Variants in TANC1 observed in about 807,000 individuals in gnomAD.
TANC1 encodes protein TANC1.
Under a neutral mutation model 149.7 loss-of-function variants are expected in TANC1, and 77 were observed. That is an observed-to-expected ratio of 0.51 (90% CI 0.43 to 0.62). The LOEUF is 0.62. Among genes scored for constraint, TANC1 ranks in the 20% least tolerant of loss-of-function variants. TANC1 has a pLI of 0.00. For synonymous variants in TANC1, 854 were observed against 925.0 expected (o/e 0.92, Z 1.39); for missense variants, 1,985 against 2,321.8 (o/e 0.85, Z 2.98).
At chr2:159,223,818 G>A (rs2059850888) in intron 22 of TANC1, among the ~76,000 whole-genome samples, 1 of 152,186 alleles carries the variant, frequency 6.6e-6, no homozygotes, top group East Asian at 1.9e-4. Flanking sequence ...AGGTTGTGTG[G>A]GTCTGAGTAT....
chr2:158,977,877 T>A (rs1475440274), intron 1 of TANC1, among the ~76,000 whole-genome samples: 6 of 152,140 alleles, frequency 3.9e-5, no homozygotes. Context: ...TCCCTGATAC[T>A]TTGTTTCAAT....
At chr2:159,003,972 T>C (rs1574062207) in intron 2 of TANC1, 1 of 1,611,954 alleles carries the variant, frequency 6.2e-7, no homozygotes, top group Non-Finnish European at 8.5e-7. Flanking sequence ...CAGAGTTCTC[T>C]AAAAAAAACT....
intron 2 of TANC1, among the ~76,000 whole-genome samples, chr2:159,048,277 G>A (rs774363378): frequency 4.6e-5 from 7 of 152,148 alleles, no homozygotes; most frequent in African/African-American, 1.2e-4. Context: ...GGTCTTGTTC[G>A]TATTTGAATC....
intron 3 of TANC1, among the ~76,000 whole-genome samples, chr2:159,076,775 C>T (rs2043725658): frequency 1.3e-5 from 2 of 152,098 alleles, no homozygotes; most frequent in South Asian, 4.1e-4. Context: ...TACCCAAAGT[C>T]GTATAGCTAG....
chr2:159,117,723 T>C (rs1163335956), intron 4 of TANC1, among the ~76,000 whole-genome samples: 2 of 93,038 alleles, frequency 2.1e-5, no homozygotes. Flanking sequence ...TTTTTTTTTT[T>C]TTTTTTTTAA....
chr2:159,213,763 T>G (rs1441015443), intron 19 of TANC1, among the ~76,000 whole-genome samples: 1 of 152,120 alleles, frequency 6.6e-6, no homozygotes, highest in Non-Finnish European at 1.5e-5. Flanking sequence ...AAAGCACTAT[T>G]ATGAGACTGC....
At chr2:159,058,697 G>A (rs891962614) in intron 2 of TANC1, among the ~76,000 whole-genome samples, 3 of 152,190 alleles carry the variant, frequency 2.0e-5, no homozygotes, top group African/African-American at 7.2e-5. Flanking sequence ...GATGGCTCTT[G>A]TACTTAGAAG....
At chr2:159,039,452 A>G (rs184554556) in intron 2 of TANC1, among the ~76,000 whole-genome samples, 1 of 152,140 alleles carries the variant, frequency 6.6e-6, no homozygotes, top group Admixed American at 6.5e-5. Flanking sequence ...TTAGGGTGTC[A>G]ATTTTAGATC....
intron 2 of TANC1, among the ~76,000 whole-genome samples, chr2:159,031,162 C>T (rs151315004): frequency 1.3e-5 from 2 of 152,334 alleles, no homozygotes; most frequent in East Asian, 3.9e-4. Flanking sequence ...AGCAAGAAAG[C>T]CAAGTTACTG....
chr2:159,131,349 G>C (rs1347292773), intron 4 of TANC1, among the ~76,000 whole-genome samples: 1 of 152,160 alleles, frequency 6.6e-6, no homozygotes. Flanking sequence ...GGGAGGGGAA[G>C]GGATGTTCCA....
chr2:159,093,777 C>A lies in TANC1; in HGVS notation c.62-3860C>A, dbSNP rs149790445. ...TCTCTTAAGCCTCGTTTTATTGCAG[C>A]CTGCATAAAATCATAGTGCTGGAGC... On this transcript the variant is annotated intron_variant, in intron 3 of 26. Coordinates refer to ENST00000263635, the MANE Select transcript of TANC1 (RefSeq NM_033394.3). 2.3e-3 allele frequency among the ~76,000 whole-genome samples: 348 copies of A among 151,516 alleles called. 2 individuals carry two copies. Among genetic ancestry groups the A allele is most frequent in the African/African-American group, 7.7e-3 (319 of 41,232 alleles).
chr2:159,022,573 C>T (rs2038915003), intron 2 of TANC1, among the ~76,000 whole-genome samples: 1 of 152,034 alleles, frequency 6.6e-6, no homozygotes, highest in South Asian at 2.1e-4. Flanking sequence ...GGTGAAACCC[C>T]ATCTCTACTA....
chr2:159,182,907 G>A (rs1339495686), intron 14 of TANC1, among the ~76,000 whole-genome samples: 1 of 152,226 alleles, frequency 6.6e-6, no homozygotes, highest in East Asian at 1.9e-4. Context: ...GAGTTAATAG[G>A]TATTAGTAGG....
chr2:159,078,958 G>A (rs2043971555), intron 3 of TANC1, among the ~76,000 whole-genome samples: 1 of 110,652 alleles, frequency 9.0e-6, no homozygotes, highest in Admixed American at 9.5e-5. Context: ...AAGATATAGG[G>A]TTGTTTTGTT....
At chr2:159,187,388 C>T (rs1209405876) in intron 16 of TANC1, among the ~76,000 whole-genome samples, 1 of 152,170 alleles carries the variant, frequency 6.6e-6, no homozygotes, top group Non-Finnish European at 1.5e-5. Flanking sequence ...CTTCAGAGTT[C>T]ATGGGAAATT....
chr2:159,060,559 T>A (rs764723558), intron 2 of TANC1, among the ~76,000 whole-genome samples: 11 of 152,372 alleles, frequency 7.2e-5, no homozygotes, highest in Admixed American at 3.3e-4. Context: ...TATAAACTGC[T>A]ATAAATGTTT....
rs539377768 is a variant in TANC1, at chr2:159,213,127, G to A, written c.3245-4370G>A. 6.6e-5 allele frequency among the ~76,000 whole-genome samples: 10 copies of A among 152,168 alleles called. No individual in the cohort carries two copies. In the South Asian group the frequency reaches 1.9e-3, roughly 28 times the overall value. ...ACCCATGAATTTTGTCTTACAAGAGGATAACTTATCTGTTTTTGGGATATC... is the reference window on the plus strand; with the variant it reads ...ACCCATGAATTTTGTCTTACAAGAGAATAACTTATCTGTTTTTGGGATATC... On this transcript the variant is annotated intron_variant, in intron 19 of 26. Coordinates refer to ENST00000263635, the MANE Select transcript of TANC1 (RefSeq NM_033394.3).
At chr2:159,163,820 C>T (rs1052520431) in intron 8 of TANC1, among the ~76,000 whole-genome samples, 7 of 79,642 alleles carry the variant, frequency 8.8e-5, no homozygotes, top group Non-Finnish European at 2.3e-4. Context: ...TAAAAACTCT[C>T]CTCTCGGTTT....
At chr2:159,087,159 C>T (rs1421508580) in intron 3 of TANC1, among the ~76,000 whole-genome samples, 1 of 152,064 alleles carries the variant, frequency 6.6e-6, no homozygotes, top group Non-Finnish European at 1.5e-5. Flanking sequence ...AAGCCCGTTC[C>T]TGAAAGAGAA....
Sources: gnomAD v4.1 joint callset for allele counts (sites outside exome capture counted in the v4.1 genomes callset) on GRCh38, gnomAD v4.1.1 for gene constraint, MANE v1.5 for transcripts, NCBI Gene and HGNC (gene_info 2026-07-23, HGNC 2026-07-21) for gene names.